The following TMEM117 variants were observed in gnomAD, a reference collection of about 807,000 sequenced individuals.
TMEM117 encodes the protein transmembrane protein 117.
In TMEM117, 27 loss-of-function variants were observed where a neutral mutation model predicts 52.4. The observed-to-expected ratio is 0.51, with a 90% CI of 0.38 to 0.71. The LOEUF (loss-of-function observed/expected upper bound fraction) is 0.71, where lower values mean the gene tolerates loss of function less well. Among genes scored for constraint, TMEM117 ranks in the 30% least tolerant of loss-of-function variants. The probability of loss-of-function intolerance (pLI) is 0.00; values close to 1 mark genes in which losing one functional copy is unlikely to be tolerated. For synonymous variants in TMEM117, 215 were observed against 206.3 expected, an observed-to-expected ratio of 1.04 and a Z score of -0.36; for missense variants, 556 against 630.5, an observed-to-expected ratio of 0.88 and a Z score of 1.26.
intron 3 of TMEM117, among the ~76,000 whole-genome samples, chr12:44,097,614 G>A (rs921123571): frequency 2.0e-5 from 3 of 149,126 alleles, no homozygotes; most frequent in African/African-American, 7.4e-5. Context: ...CTATTGCAAG[G>A]ACAAAAAACC....
chr12:43,805,576 CA>C, the TMEM117 span: 3 of 463,272 alleles, frequency 6.5e-6, no homozygotes, highest in African/African-American at 4.0e-5. Flanking sequence ...GATATAACTG[CA>C]TATTGAACTG....
intron 3 of TMEM117, among the ~76,000 whole-genome samples, chr12:44,102,817 C>G (rs1041597013): frequency 2.0e-5 from 3 of 151,878 alleles, no homozygotes; most frequent in Admixed American, 6.6e-5. Context: ...TGGGAGGGAC[C>G]CAGTGGGAGG....
chr12:44,309,062 C>T (rs1176125936), intron 6 of TMEM117, among the ~76,000 whole-genome samples: 1 of 152,172 alleles, frequency 6.6e-6, no homozygotes, highest in Non-Finnish European at 1.5e-5. Context: ...GCCAGTATAA[C>T]AATCCTCTAT....
At chr12:44,275,776 A>G (rs1006445459) in intron 5 of TMEM117, among the ~76,000 whole-genome samples, 6 of 151,930 alleles carry the variant, frequency 3.9e-5, no homozygotes, top group Admixed American at 6.6e-5. Context: ...CATAGAGAGT[A>G]GAAGGATGGT....
the TMEM117 span, among the ~76,000 whole-genome samples, chr12:44,399,081 A>T: frequency 6.6e-6 from 1 of 152,158 alleles, no homozygotes. Context: ...TAACTTGTCT[A>T]TTTACAATAA....
intron 3 of TMEM117, among the ~76,000 whole-genome samples, chr12:44,103,133 A>G (rs1947891590): frequency 6.6e-6 from 1 of 151,926 alleles, no homozygotes; most frequent in Non-Finnish European, 1.5e-5. Context: ...TTATTTCTGT[A>G]GAGTTAAGGA....
At chr12:44,314,891 G>A (rs1430908134) in intron 6 of TMEM117, among the ~76,000 whole-genome samples, 2 of 152,122 alleles carry the variant, frequency 1.3e-5, no homozygotes, top group East Asian at 1.9e-4. Flanking sequence ...CTGATCCAGA[G>A]CTTTTTTGTA....
intron 3 of TMEM117, among the ~76,000 whole-genome samples, chr12:44,054,348 C>G (rs1049470762): frequency 1.3e-5 from 2 of 152,034 alleles, no homozygotes; most frequent in Admixed American, 1.3e-4. Context: ...ACCTTGGGGT[C>G]GTATTGAGAC....
chr12:44,235,343 A>G (rs1395819782), intron 5 of TMEM117, among the ~76,000 whole-genome samples: 1 of 150,654 alleles, frequency 6.6e-6, no homozygotes, highest in Admixed American at 6.6e-5. Context: ...TTAAATGCAC[A>G]GTTAGATTTT....
intron 3 of TMEM117, among the ~76,000 whole-genome samples, chr12:43,956,780 G>T (rs1304366896): frequency 2.6e-5 from 4 of 152,120 alleles, no homozygotes. Context: ...AATACCATTC[G>T]ACCCAGCAAT....
intron 6 of TMEM117, among the ~76,000 whole-genome samples, chr12:44,306,111 T>G (rs1046488475): frequency 5.9e-5 from 9 of 152,032 alleles, no homozygotes; most frequent in African/African-American, 2.2e-4. Context: ...CTACAGACAC[T>G]GGGGACTACT....
intron 2 of TMEM117, among the ~76,000 whole-genome samples, chr12:43,915,794 T>C (rs1425952919): frequency 6.6e-6 from 1 of 152,156 alleles, no homozygotes; most frequent in Non-Finnish European, 1.5e-5. Context: ...TGGTGTTTAC[T>C]GAGTGTAGTG....
intron 4 of TMEM117, among the ~76,000 whole-genome samples, chr12:44,189,500 T>TATG (rs1420358096): frequency 1.3e-5 from 2 of 152,218 alleles, no homozygotes; most frequent in African/African-American, 4.8e-5. Flanking sequence ...AGGCTCATGT[T>TATG]ATCATGAGTA....
At chr12:44,218,844 A>C (rs1949753248) in intron 5 of TMEM117, among the ~76,000 whole-genome samples, 1 of 152,094 alleles carries the variant, frequency 6.6e-6, no homozygotes, top group Non-Finnish European at 1.5e-5. Context: ...GTTTCCTTTA[A>C]TCCACACTGC....
intron 4 of TMEM117, among the ~76,000 whole-genome samples, chr12:44,188,616 T>C (rs1337814754): frequency 1.3e-5 from 2 of 152,088 alleles, no homozygotes; most frequent in Admixed American, 6.6e-5. Context: ...GTATATAATA[T>C]CTCCCACCTG....
chr12:44,314,410 T>C (rs1234984437), intron 6 of TMEM117, among the ~76,000 whole-genome samples: 2 of 152,170 alleles, frequency 1.3e-5, no homozygotes, highest in Non-Finnish European at 2.9e-5. Context: ...TTTAGTTTTG[T>C]GTGTTGAACC....
chr12:43,882,190 C>T (rs568726007), intron 2 of TMEM117, among the ~76,000 whole-genome samples: 63 of 152,218 alleles, frequency 4.1e-4, no homozygotes, highest in African/African-American at 1.5e-3. Context: ...CAGTACTTCT[C>T]TAAGCAGTCT....
chr12:44,105,928 C>T (rs1947945378), intron 3 of TMEM117, among the ~76,000 whole-genome samples: 1 of 151,996 alleles, frequency 6.6e-6, no homozygotes, highest in African/African-American at 2.4e-5. Flanking sequence ...GGTAGAGTTC[C>T]AGGAAGTAAA....
chr12:44,235,926 C>T (rs1282089057), intron 5 of TMEM117, among the ~76,000 whole-genome samples: 1 of 151,760 alleles, frequency 6.6e-6, no homozygotes, highest in Non-Finnish European at 1.5e-5. Flanking sequence ...ATATACATTT[C>T]AAAGACATCA....
Sources: gnomAD v4.1 joint callset for allele counts (sites outside exome capture counted in the v4.1 genomes callset) on GRCh38, gnomAD v4.1.1 for gene constraint, MANE v1.5 for transcripts, NCBI Gene and HGNC (gene_info 2026-07-23, HGNC 2026-07-21) for gene names.